AK7: variants seen among roughly 807,000 people sequenced by gnomAD.
The protein encoded by AK7 is adenylate kinase 7.
Under a neutral mutation model 96.6 loss-of-function variants are expected in AK7, and 78 were observed. That is an observed-to-expected ratio of 0.81 (90% CI 0.67 to 0.97). AK7 has a LOEUF of 0.97. AK7 is among the 50% of genes least tolerant of loss of function. The pLI, the probability that AK7 is intolerant of heterozygous loss-of-function variation, is 0.00. For missense variants in AK7, 855 were observed against 887.9 expected (o/e 0.96, Z 0.47); for synonymous variants, 302 against 317.2 (o/e 0.95, Z 0.51).
intron 3 of AK7, 86 bp from the exon 4 acceptor site, chr14:96,408,761 C>A: frequency 1.7e-6 from 2 of 1,201,306 alleles, no homozygotes; most frequent in Non-Finnish European, 2.4e-6. Context: ...TGTTAAGTGG[C>A]TCCTACTGGT....
intron 5 of AK7, among the ~76,000 whole-genome samples, chr14:96,433,066 T>C (rs1027488233): frequency 1.3e-5 from 2 of 152,202 alleles, no homozygotes; most frequent in African/African-American, 4.8e-5. Context: ...CTTCCCTTTG[T>C]GGGTAACTCG....
intron 15 of AK7, 113 bp downstream of exon 15, chr14:96,478,775 TG>T (rs1230873531): frequency 9.5e-6 from 10 of 1,055,756 alleles, no homozygotes; most frequent in Non-Finnish European, 1.4e-5. Context: ...AATCATGGGT[TG>T]GGGCACAGGA....
At chr14:96,452,516 G>C (rs1234101853) in intron 10 of AK7, among the ~76,000 whole-genome samples, 2 of 151,986 alleles carry the variant, frequency 1.3e-5, no homozygotes, top group East Asian at 3.9e-4. Flanking sequence ...AGTAGAGACG[G>C]GGTTTCACCA....
intron 2 of AK7, among the ~76,000 whole-genome samples, chr14:96,400,948 C>T (rs1006627879): frequency 6.6e-6 from 1 of 152,212 alleles, no homozygotes; most frequent in Non-Finnish European, 1.5e-5. Context: ...ATGCACTCGC[C>T]TTCCATCAAA....
chr14:96,394,335 C>T (rs992900088), intron 1 of AK7, among the ~76,000 whole-genome samples: 1 of 152,098 alleles, frequency 6.6e-6, no homozygotes, highest in African/African-American at 2.4e-5. Context: ...TTTAGGGGCC[C>T]ACAAAAAGTG....
intron 4 of AK7, among the ~76,000 whole-genome samples, chr14:96,417,958 ATATAT>A (rs1717382609): frequency 6.6e-6 from 1 of 152,180 alleles, no homozygotes; most frequent in African/African-American, 2.4e-5. Context: ...ATGCACTATG[ATATAT>A]TACAATATGT....
chr14:96,472,578 A>G, intron 13 of AK7, 109 bp from the exon 14 acceptor site: 1 of 717,012 alleles, frequency 1.4e-6, no homozygotes, highest in Admixed American at 2.5e-5. Context: ...TGTGCTATTT[A>G]TGGCTAGTTT....
At chr14:96,485,794 C>CTTTTT (rs758883552) in intron 16 of AK7, among the ~76,000 whole-genome samples, 2 of 129,002 alleles carry the variant, frequency 1.6e-5, no homozygotes, top group South Asian at 2.5e-4. Context: ...TCAGCTAGGA[C>CTTTTT]TTTTTTTTTT....
rs576201571 is a variant in AK7, at chr14:96,419,873, C to A, written c.499-949C>A. ...GCGCGATTTCGGCTCACTGCAACAT[C>A]CGCCTCCTGGGTTCAAGCAATTCTC... is the stretch of plus-strand genomic sequence containing the variant. On this transcript the variant is annotated intron_variant, in intron 4 of 17. Transcript: ENST00000267584. Among the ~76,000 whole-genome samples the A allele has an allele frequency of 8.9e-5, 13 of 145,498 alleles. 1 individual carries two copies. Among genetic ancestry groups the A allele is most frequent in the African/African-American group, 3.1e-4 (12 of 39,304 alleles).
chr14:96,466,547 A>G (rs531884287), intron 12 of AK7, among the ~76,000 whole-genome samples: 21 of 151,450 alleles, frequency 1.4e-4, no homozygotes, highest in African/African-American at 4.4e-4. Flanking sequence ...CTTGTTTTTT[A>G]TTTTTAGTAG....
intron 7 of AK7, among the ~76,000 whole-genome samples, chr14:96,444,899 G>A (rs994990572): frequency 6.6e-6 from 1 of 152,030 alleles, no homozygotes; most frequent in African/African-American, 2.4e-5. Context: ...TGTATTTTTA[G>A]TAGAGACAGG....
intron 4 of AK7, among the ~76,000 whole-genome samples, chr14:96,409,778 A>G (rs1890930790): frequency 6.6e-6 from 1 of 152,198 alleles, no homozygotes; most frequent in Admixed American, 6.5e-5. Flanking sequence ...TCTCTTGACT[A>G]ATGTAAAATT....
intron 5 of AK7, among the ~76,000 whole-genome samples, chr14:96,435,485 A>G (rs1163542642): frequency 6.6e-6 from 1 of 152,060 alleles, no homozygotes; most frequent in Non-Finnish European, 1.5e-5. Context: ...GCCACGAGCC[A>G]TGCAGCTTGG....
Position 96,392,184 on chromosome 14 carries a change from C to T in AK7, c.30C>T (p.Leu10=), listed in dbSNP as rs779070716. The T allele has an allele frequency of 1.4e-5, 22 of 1,613,532 alleles. No individual in the cohort carries two copies. Among genetic ancestry groups the T allele is most frequent in the Non-Finnish European group, 1.6e-5 (19 of 1,179,588 alleles). MAEEEETAA[L]TEKVIRTQRV... ...CTGAAGAAGAGGAAACTGCTGCTCT[C>T]ACGGAGAAGGTTATCCGGACCCAGA... is the stretch of plus-strand genomic sequence containing the variant. The change falls in exon 1 of 18, where the codon CTC becomes CTT. Residue 10 remains leucine, a synonymous_variant. Transcript: ENST00000267584.
intron 5 of AK7, among the ~76,000 whole-genome samples, chr14:96,437,073 G>C (rs1348027720): frequency 8.7e-6 from 1 of 115,264 alleles, no homozygotes; most frequent in Non-Finnish European, 1.7e-5. Context: ...GGTAGTAGGG[G>C]GTGGGGGGAG....
chr14:96,439,376 T>TA (rs546359287), intron 6 of AK7, among the ~76,000 whole-genome samples: 1 of 151,824 alleles, frequency 6.6e-6, no homozygotes, highest in Non-Finnish European at 1.5e-5. Context: ...AAATAATTAT[T>TA]AAAAAAAATA....
intron 13 of AK7, among the ~76,000 whole-genome samples, 156 bp downstream of exon 13, chr14:96,471,762 CT>C (rs951865027): frequency 4.8e-4 from 71 of 146,794 alleles, no homozygotes; most frequent in East Asian, 2.4e-3. Context: ...TTTTTTTTTT[CT>C]TTTTTTTTCC....
chr14:96,466,428 C>T (rs560714443), intron 12 of AK7, among the ~76,000 whole-genome samples: 21 of 151,828 alleles, frequency 1.4e-4, no homozygotes, highest in African/African-American at 4.1e-4. Context: ...TTAGTAGAGA[C>T]GGGGTTTCAC....
intron 4 of AK7, among the ~76,000 whole-genome samples, chr14:96,413,768 C>A (rs1048022085): frequency 6.6e-6 from 1 of 152,192 alleles, no homozygotes; most frequent in African/African-American, 2.4e-5. Context: ...AGCCATGACT[C>A]CATAATGTAA....
Sources: gnomAD v4.1 joint callset for allele counts (sites outside exome capture counted in the v4.1 genomes callset) on GRCh38, gnomAD v4.1.1 for gene constraint, MANE v1.5 for transcripts, NCBI Gene and HGNC (gene_info 2026-07-23, HGNC 2026-07-21) for gene names.